The following ABCB11 variants were observed in gnomAD, a reference collection of about 807,000 sequenced individuals.
ABCB11 encodes the protein bile salt export pump.
Under a neutral mutation model 148.0 loss-of-function variants are expected in ABCB11, and 95 were observed. The observed-to-expected ratio is 0.64, with a 90% confidence interval of 0.54 to 0.76. The LOEUF (loss-of-function observed/expected upper bound fraction) is 0.76. Among genes scored for constraint, ABCB11 ranks in the 30% least tolerant of loss-of-function variants. ABCB11 has a pLI of 0.00. For missense variants in ABCB11, 1,523 were observed against 1,617.8 expected (o/e 0.94, Z 1.01); for synonymous variants, 591 against 555.4 (o/e 1.06, Z -0.90).
intron 8 of ABCB11, among the ~76,000 whole-genome samples, chr2:168,992,496 T>G (rs1558913856): frequency 6.6e-6 from 1 of 152,062 alleles, no homozygotes; most frequent in Non-Finnish European, 1.5e-5. Context: ...TGGAAAGTGG[T>G]TAGTAGGAAA....
At position 168,921,014 on chromosome 2, in the gene ABCB11, T is replaced by C. The variant is rs79671081; in HGVS notation, c.*2608A>G. On this transcript the variant is annotated 3_prime_UTR_variant, in exon 28 of 28. Transcript: ENST00000650372. ...GGCCACCTCCCAGCACAAGAGCCTA[T>C]GCTCTTGCTCTTTGAAATGCAAACC... is the stretch of plus-strand genomic sequence containing the variant. 5.3e-5 allele frequency among the ~76,000 whole-genome samples: 8 copies of C among 152,350 alleles called. No homozygotes were observed. The East Asian group carries it at 1.5e-3, about 29-fold the overall frequency.
intron 7 of ABCB11, among the ~76,000 whole-genome samples, chr2:168,994,551 C>G (rs1018020095): frequency 6.6e-6 from 1 of 151,826 alleles, no homozygotes; most frequent in African/African-American, 2.4e-5. Context: ...ATTAAAGTAG[C>G]GAATATATGT....
intron 2 of ABCB11, among the ~76,000 whole-genome samples, chr2:169,017,395 T>C (rs1230142293): frequency 6.6e-6 from 1 of 152,136 alleles, no homozygotes; most frequent in East Asian, 1.9e-4. Context: ...AGCTTTGTCA[T>C]TCAACACTAT....
intron 10 of ABCB11, among the ~76,000 whole-genome samples, chr2:168,982,783 C>CGA (rs989246756): frequency 4.0e-4 from 59 of 149,004 alleles, no homozygotes; most frequent in Non-Finnish European, 6.0e-4. Flanking sequence ...AGAGAGCGAG[C>CGA]GAGAGAGAGA....
chr2:169,016,954 C>T lies in ABCB11; in HGVS notation c.77-155G>A, dbSNP rs1402125371. 3.4e-5 allele frequency among the ~76,000 whole-genome samples: 5 copies of T among 147,680 alleles called. No homozygotes were observed. The South Asian group carries it at 8.7e-4, about 26-fold the overall frequency. On this transcript the variant is annotated intron_variant, in intron 2 of 27. Coordinates refer to ENST00000650372, the MANE Select transcript of ABCB11 (RefSeq NM_003742.4). ...ACTATTTGCCTTTTCTTTCTTCCTG[C>T]TCATATTGTCTCTCTCTATCTTTCT...
At chr2:168,943,003 G>A (rs1217447436) in intron 21 of ABCB11, among the ~76,000 whole-genome samples, 1 of 151,880 alleles carries the variant, frequency 6.6e-6, no homozygotes, top group African/African-American at 2.4e-5. Flanking sequence ...CTTAAGATAA[G>A]TTTGACCTGG....
chr2:169,006,490 T>A (rs1355856510), intron 5 of ABCB11, among the ~76,000 whole-genome samples: 1 of 152,116 alleles, frequency 6.6e-6, no homozygotes, highest in Non-Finnish European at 1.5e-5. Flanking sequence ...AAGACAAGGA[T>A]GTGTGCTCTC....
rs551600296 is a variant in ABCB11, at chr2:168,985,421, G to A, written c.1083+689C>T. On this transcript the variant is annotated intron_variant, in intron 10 of 27. Coordinates refer to ENST00000650372, the MANE Select transcript of ABCB11 (RefSeq NM_003742.4). ...GTATCTACCCAGAGGAAAAGAAGTC[G>A]TTATACAAAAGAGATACTTGCACAC... is the stretch of plus-strand genomic sequence containing the variant. Among the ~76,000 whole-genome samples, 8 of 152,072 alleles carry A rather than the reference G, an allele frequency of 5.3e-5. No individual in the cohort carries two copies. In the East Asian group the frequency reaches 5.8e-4, roughly 11 times the overall value.
intron 24 of ABCB11, 108 bp downstream of exon 24, chr2:168,932,269 T>C (rs1691603973): frequency 2.1e-6 from 2 of 950,656 alleles, no homozygotes; most frequent in African/African-American, 3.3e-5. Context: ...TTTGGTTTTC[T>C]GTTCTTGTGT....
In ABCB11 at chr2:168,920,985, A is replaced by T. The variant is rs986569433; in HGVS notation, c.*2637T>A. Among the ~76,000 whole-genome samples, 1 of 152,240 alleles carries T rather than the reference A, an allele frequency of 6.6e-6. No homozygotes were observed. The highest frequency in any genetic ancestry group is 1.5e-5 in the Non-Finnish European group (1 of 68,040). On this transcript the variant is annotated 3_prime_UTR_variant, in exon 28 of 28. Coordinates refer to ENST00000650372, the MANE Select transcript of ABCB11 (RefSeq NM_003742.4). ...AGACTCCATAAATTCCTTTCCAGGA[A>T]ACTGGCCACCTCCCAGCACAAGAGC...
At chr2:168,966,200 C>T (rs1693308663) in intron 17 of ABCB11, among the ~76,000 whole-genome samples, 1 of 151,766 alleles carries the variant, frequency 6.6e-6, no homozygotes. Context: ...GAACAAGGTG[C>T]TTGATAGGAG....
intron 23 of ABCB11, 112 bp downstream of exon 23, chr2:168,935,072 T>C (rs1574404628): frequency 6.9e-7 from 1 of 1,440,220 alleles, no homozygotes; most frequent in Non-Finnish European, 9.5e-7. Flanking sequence ...CCAGCTATTG[T>C]AAGACACCAA....
At chr2:169,025,494 T>G (rs889494747) in intron 1 of ABCB11, among the ~76,000 whole-genome samples, 1 of 152,166 alleles carries the variant, frequency 6.6e-6, no homozygotes, top group Non-Finnish European at 1.5e-5. Context: ...GACCGAGTCC[T>G]CCCTACCTGA....
At chr2:168,966,239 A>C (rs1693311929) in intron 17 of ABCB11, among the ~76,000 whole-genome samples, 1 of 151,900 alleles carries the variant, frequency 6.6e-6, no homozygotes, top group African/African-American at 2.4e-5. Flanking sequence ...CCTAAAAAGC[A>C]AATGCAGAGC....
At chr2:168,987,502 C>T (rs1034876970) in intron 9 of ABCB11, among the ~76,000 whole-genome samples, 2 of 152,106 alleles carry the variant, frequency 1.3e-5, no homozygotes, top group South Asian at 2.1e-4. Flanking sequence ...GATCACAGCT[C>T]GCTGTAACCT....
At position 168,935,330 on chromosome 2, in the gene ABCB11, G is replaced by A. The variant is rs1691768786; in HGVS notation, c.2910C>T (p.Pro970=). 3.7e-6 allele frequency: 6 copies of A among 1,614,004 alleles called. No individual in the cohort carries two copies. The Middle Eastern group carries it at 4.9e-4, about 133-fold the overall frequency. The change falls in exon 23 of 28, where the codon CCC becomes CCT. Residue 970 remains proline, a synonymous_variant. Transcript: ENST00000650372. ...TGGCTTTCTGAATGGCTGTCTTGAA[G>A]GGCTTCTCCAGCTCAGTCTCAAGTG... ...IEALETELEK[P]FKTAIQKANI...
rs1694079257 is a variant in ABCB11 at position 168,979,935 on chromosome 2, G to A, written c.1128C>T (p.Ala376=). The A allele has an allele frequency of 8.1e-6, 13 of 1,610,878 alleles. No individual in the cohort carries two copies. The East Asian group carries it at 2.5e-4, about 30-fold the overall frequency. ...VIVGALNLGN[A]SPCLEAFATG... is the part of the protein sequence containing the mutation. ...TTGCAAAGGCTTCCAAACAAGGAGAGGCATTGCCAAGATTTAAAGCTCCTA... is the reference window on the plus strand; with the variant it reads ...TTGCAAAGGCTTCCAAACAAGGAGAAGCATTGCCAAGATTTAAAGCTCCTA... Residue 376 remains alanine (A), a synonymous_variant, in exon 11 of 28, where the codon GCC becomes GCT. Coordinates refer to ENST00000650372, the MANE Select transcript of ABCB11 (RefSeq NM_003742.4).
chr2:168,958,244 A>G (rs1559202461), intron 18 of ABCB11, 116 bp from the exon 19 acceptor site: 5 of 941,542 alleles, frequency 5.3e-6, no homozygotes, highest in South Asian at 1.6e-5. Context: ...GAGTGACCTC[A>G]AATGTCTATG....
Position 169,018,061 on chromosome 2 carries a change from G to A in ABCB11, c.65C>T (p.Ser22Leu), listed in dbSNP as rs1695418522. The change falls in exon 2 of 28, where the codon TCA (serine) becomes TTA (leucine). Residue 22 changes from serine (S) to leucine (L), a missense_variant. Physicochemically the swap from Ser to Leu is moderately radical, Grantham distance 145. Coordinates refer to ENST00000650372, the MANE Select transcript of ABCB11 (RefSeq NM_003742.4). ...KFGEENDGFE[S>L]DKSYNNDKKS... Reference sequence around the variant, plus strand: ...AAAAAGCCACTCACATGATTTATCTGACTCAAAACCATCATTCTCCTCTCC... The same window carrying A: ...AAAAAGCCACTCACATGATTTATCTAACTCAAAACCATCATTCTCCTCTCC... The A allele has an allele frequency of 6.2e-7, 1 of 1,613,000 alleles. No homozygotes were observed. Among genetic ancestry groups the A allele is most frequent in the Non-Finnish European group, 8.5e-7 (1 of 1,179,298 alleles).
Sources: gnomAD v4.1 joint callset for allele counts (sites outside exome capture counted in the v4.1 genomes callset) on GRCh38, gnomAD v4.1.1 for gene constraint, MANE v1.5 for transcripts, NCBI Gene and HGNC (gene_info 2026-07-23, HGNC 2026-07-21) for gene names.